The following SRP54 variants were observed in gnomAD, a reference collection of about 807,000 sequenced individuals.
SRP54 encodes signal recognition particle 54, also known as signal recognition particle subunit SRP54.
SRP54 carries 10 observed loss-of-function variants against 64.8 expected under a neutral mutation model. The observed-to-expected ratio is 0.15, with a 90% CI of 0.10 to 0.26. SRP54 has a LOEUF of 0.26. Among genes scored for constraint, SRP54 ranks in the 10% least tolerant of loss-of-function variants. The pLI is 1.00. For synonymous variants in SRP54, 193 were observed against 185.6 expected (o/e 1.04, Z -0.32); for missense variants, 325 against 613.7 (o/e 0.53, Z 4.97).
rs185225751 is a variant in SRP54, at chr14:34,984,683, G to A, written c.-34+1468G>A. On this transcript the variant is annotated intron_variant, in intron 1 of 15. Transcript: ENST00000216774. The stretch of plus-strand genomic sequence containing the variant: ...CGCCCAGCTAATTTTTGTGTTTTTA[G>A]TAGAGATGGGGTTCCACCATGTTGG... Among the ~76,000 whole-genome samples the A allele has an allele frequency of 8.5e-5, 13 of 152,232 alleles. No individual in the cohort carries two copies. In the East Asian group the frequency reaches 1.9e-3, roughly 23 times the overall value.
At chr14:34,995,763 C>CT (rs1271036110) in intron 1 of SRP54, among the ~76,000 whole-genome samples, 1 of 152,088 alleles carries the variant, frequency 6.6e-6, no homozygotes, top group Non-Finnish European at 1.5e-5. Flanking sequence ...TCATCAAGGG[C>CT]TTTTTCTAAT....
In SRP54 at chr14:35,007,297, A is replaced by G. The variant is rs771754281; in HGVS notation, c.270A>G (p.Gly90=). Residue 90 remains glycine (G), a synonymous_variant, in exon 5 of 16, where the codon GGA becomes GGG. Transcript: ENST00000216774. ...TTGGTATTTAGCTTGTAGACCCTGG[A>G]GTTAAGGCATGGACACCCACTAAAG... ...FKELVKLVDP[G]VKAWTPTKGK... 7.5e-5 allele frequency: 119 copies of G among 1,587,680 alleles called. No individual in the cohort carries two copies. The highest frequency in any genetic ancestry group is 1.0e-4 in the Non-Finnish European group (116 of 1,162,294).
At chr14:35,013,105 GGCTAATTTTTGTAT>G (rs1206878348) in intron 8 of SRP54, among the ~76,000 whole-genome samples, 6 of 151,712 alleles carry the variant, frequency 4.0e-5, no homozygotes, top group African/African-American at 1.2e-4. Flanking sequence ...CACCATGCCT[GGCTAATTTTTGTAT>G]GCTAATTTTT....
chr14:34,996,213 TA>T (rs1566644200), intron 1 of SRP54, among the ~76,000 whole-genome samples: 1 of 152,208 alleles, frequency 6.6e-6, no homozygotes, highest in African/African-American at 2.4e-5. Flanking sequence ...GAAAAGTTAT[TA>T]AAACCTTTTT....
intron 11 of SRP54, 93 bp downstream of exon 11, chr14:35,014,923 G>T: frequency 1.1e-6 from 1 of 870,846 alleles, no homozygotes; most frequent in Non-Finnish European, 1.8e-6. Context: ...TGTAATATCT[G>T]TTAGAGTCAG....
intron 7 of SRP54, 94 bp from the exon 8 acceptor site, chr14:35,011,414 CT>C: frequency 9.4e-7 from 1 of 1,060,688 alleles, no homozygotes; most frequent in Non-Finnish European, 1.3e-6. Context: ...GTCATTTTGG[CT>C]TTTTCAAAAT....
In SRP54 at chr14:35,028,066, ATCT is replaced by A; in HGVS notation, c.1328-20_1328-18del. 6.4e-7 allele frequency: 1 copy of A among 1,565,098 alleles called. No homozygotes were observed. Among genetic ancestry groups the A allele is most frequent in the Non-Finnish European group, 8.8e-7 (1 of 1,141,654 alleles). ...ATATTACCTCCTACGCTGACTCAAA[ATCT>A]TTTTTTTTTTCCCCTCAGGTGGCGA... On this transcript the variant is annotated intron_variant, in intron 14 of 15. Transcript: ENST00000216774.
intron 15 of SRP54, among the ~76,000 whole-genome samples, chr14:35,028,831 C>T (rs572713365): frequency 7.2e-5 from 11 of 152,272 alleles, no homozygotes; most frequent in Non-Finnish European, 1.5e-4. Flanking sequence ...TGTATCACCT[C>T]ATTTATTCCT....
In SRP54 at chr14:34,998,986, TG is replaced by T. The variant is rs1566645467; in HGVS notation, c.79-571del. Among the ~76,000 whole-genome samples the T allele has an allele frequency of 7.4e-4, 70 of 95,034 alleles. 1 individual carries two copies. Among genetic ancestry groups the T allele is most frequent in the African/African-American group, 2.3e-3 (67 of 29,262 alleles). The allele number at this position is 95,034 out of a possible 152,430, so 62.3% of individuals were successfully genotyped here. ...TACTTTGTGTGTATGTGTGTGTGTG[TG>T]TGTGTGTGTGTGTGTGTGTGTGTGT... is the stretch of plus-strand genomic sequence containing the variant. On this transcript the variant is annotated intron_variant, in intron 2 of 15. Transcript: ENST00000216774.
Position 34,988,576 on chromosome 14 carries a change from A to ATAT in SRP54, c.-34+5361_-34+5362insTAT, listed in dbSNP as rs1326467032. On this transcript the variant is annotated intron_variant, in intron 1 of 15. Coordinates refer to ENST00000216774, the MANE Select transcript of SRP54 (RefSeq NM_003136.4). ...ACTCCATCTCAAAAAAAAAAAAAAA[A>ATAT]AAATATATATATATATATAACATAT... 4.1e-4 allele frequency among the ~76,000 whole-genome samples: 34 copies of ATAT among 83,532 alleles called. 1 individual carries two copies. Among genetic ancestry groups the ATAT allele is most frequent in the South Asian group, 2.0e-3 (5 of 2,528 alleles). The allele number at this position is 83,532 out of a possible 152,430, so 54.8% of individuals were successfully genotyped here.
chr14:35,017,015 C>T (rs548925368), intron 11 of SRP54, among the ~76,000 whole-genome samples: 237 of 152,080 alleles, frequency 1.6e-3, no homozygotes, highest in African/African-American at 5.3e-3. Context: ...CTGCCACGCC[C>T]GGCTAATTTT....
intron 1 of SRP54, among the ~76,000 whole-genome samples, chr14:34,991,892 A>G (rs1316893840): frequency 6.6e-6 from 1 of 152,112 alleles, no homozygotes; most frequent in East Asian, 1.9e-4. Context: ...GTATTATTAG[A>G]TGTTCTTACT....
chr14:35,025,269 A>G (rs186272308), intron 14 of SRP54, among the ~76,000 whole-genome samples: 3 of 152,354 alleles, frequency 2.0e-5, no homozygotes, highest in Admixed American at 2.0e-4. Flanking sequence ...CAAGCTCTGA[A>G]TATGAACAAT....
At chr14:34,999,122 C>G (rs770161435) in intron 2 of SRP54, among the ~76,000 whole-genome samples, 23 of 149,276 alleles carry the variant, frequency 1.5e-4, no homozygotes, top group Non-Finnish European at 2.8e-4. Context: ...TCAAGTGATT[C>G]TCCTGCCTCA....
At position 35,029,287 on chromosome 14, in the gene SRP54, C is replaced by T. The variant is rs1419178025; in HGVS notation, c.*135C>T. The T allele has an allele frequency of 1.1e-5, 6 of 527,458 alleles. No individual in the cohort carries two copies. The highest frequency in any genetic ancestry group is 2.0e-5 in the Non-Finnish European group (6 of 306,422). The allele number at this position is 527,458 out of a possible 1,614,324, so 32.7% of individuals were successfully genotyped here. The stretch of plus-strand genomic sequence containing the variant: ...ATGCACTCTTTCCTTTTCTTCTCGC[C>T]CGCTTTTCCCCTCCTTTTCTTTTTC... On this transcript the variant is annotated 3_prime_UTR_variant, in exon 16 of 16. Coordinates refer to ENST00000216774, the MANE Select transcript of SRP54 (RefSeq NM_003136.4).
chr14:35,016,840 C>CTTTTTTTTTTTTTTTT (rs145307640), intron 11 of SRP54, among the ~76,000 whole-genome samples: 4 of 71,614 alleles, frequency 5.6e-5, no homozygotes, highest in East Asian at 4.5e-4. Context: ...CCTTTTTTTT[C>CTTTTTTTTTTTTTTTT]TTTTCTTTTT....
intron 14 of SRP54, among the ~76,000 whole-genome samples, chr14:35,024,273 C>G (rs571517286): frequency 1.3e-5 from 2 of 152,320 alleles, no homozygotes; most frequent in South Asian, 2.1e-4. Flanking sequence ...AAATGATGTG[C>G]CCGCCTCGGA....
chr14:35,029,221 T>C lies in SRP54; in HGVS notation c.*69T>C. On this transcript the variant is annotated 3_prime_UTR_variant, in exon 16 of 16. Transcript: ENST00000216774. ...TGCTGAGACCTCAGCGTTTCCCTTC[T>C]TTTTGCGAATTGGGGGGAAAGTGTA... The C allele has an allele frequency of 1.6e-6, 2 of 1,222,592 alleles. No individual in the cohort carries two copies. Among genetic ancestry groups the C allele is most frequent in the South Asian group, 1.4e-5 (1 of 73,656 alleles). 75.7% of individuals were successfully genotyped at this position (1,222,592 alleles called of 1,614,324 possible). A position where few individuals can be genotyped will look rare whatever the true frequency, so the allele number is the denominator to read the frequency against.
chr14:34,984,610 T>G (rs755914206), intron 1 of SRP54, among the ~76,000 whole-genome samples: 128 of 152,304 alleles, frequency 8.4e-4, no homozygotes, highest in Non-Finnish European at 1.4e-3. Context: ...CAAGCAATTC[T>G]CCTGCCTCAG....
Sources: allele counts gnomAD v4.1 joint callset (sites outside exome capture counted in the v4.1 genomes callset), GRCh38; gene constraint gnomAD v4.1.1; transcripts MANE v1.5; gene names NCBI Gene and HGNC (gene_info 2026-07-23, HGNC 2026-07-21).